TMPRSS11A: variants seen among roughly 807,000 people sequenced by gnomAD.
The protein encoded by TMPRSS11A is transmembrane serine protease 11A, also known as transmembrane protease serine 11A.
Under a neutral mutation model 58.9 loss-of-function variants are expected in TMPRSS11A, and 53 were observed. The observed-to-expected ratio is 0.90, with a 90% CI of 0.72 to 1.13. The LOEUF (loss-of-function observed/expected upper bound fraction) is 1.13. Among genes scored for constraint, TMPRSS11A ranks in the 50% most tolerant of loss-of-function variants. The pLI is 0.00. For synonymous variants in TMPRSS11A, 167 were observed against 169.8 expected (o/e 0.98, Z 0.13); for missense variants, 493 against 499.3 (o/e 0.99, Z 0.12).
intron 1 of TMPRSS11A, among the ~76,000 whole-genome samples, chr4:67,950,693 C>A (rs187290507): frequency 6.6e-6 from 1 of 152,188 alleles, no homozygotes; most frequent in East Asian, 1.9e-4. Context: ...CTACAGCCTT[C>A]AAAGAAAGCA....
chr4:67,932,622 G>C (rs1720657153), intron 3 of TMPRSS11A, among the ~76,000 whole-genome samples: 1 of 152,148 alleles, frequency 6.6e-6, no homozygotes, highest in Non-Finnish European at 1.5e-5. Flanking sequence ...TGTTGGGTAA[G>C]TTTTGGTAGT....
chr4:67,918,900 A>G, intron 8 of TMPRSS11A, 73 bp downstream of exon 8: 2 of 1,531,294 alleles, frequency 1.3e-6, no homozygotes, highest in Non-Finnish European at 1.8e-6. Flanking sequence ...CTGTCAGGAT[A>G]ATATTGATGG....
At chr4:67,961,669 T>C (rs1041770105) in intron 1 of TMPRSS11A, among the ~76,000 whole-genome samples, 1 of 151,884 alleles carries the variant, frequency 6.6e-6, no homozygotes, top group Admixed American at 6.6e-5. Context: ...TGCGCCACCA[T>C]GCCCGGCTAA....
chr4:67,920,982 C>T (rs1365294280), intron 7 of TMPRSS11A, among the ~76,000 whole-genome samples: 1 of 152,044 alleles, frequency 6.6e-6, no homozygotes, highest in African/African-American at 2.4e-5. Context: ...TTTATTTTCA[C>T]TTATGGTTTG....
chr4:67,945,364 A>G (rs1398730375), intron 2 of TMPRSS11A, among the ~76,000 whole-genome samples: 1 of 152,182 alleles, frequency 6.6e-6, no homozygotes, highest in Admixed American at 6.5e-5. Context: ...AGCCTGGCTC[A>G]GGGAAGAGGG....
chr4:67,937,363 T>A (rs961245875), intron 3 of TMPRSS11A, among the ~76,000 whole-genome samples: 1 of 152,110 alleles, frequency 6.6e-6, no homozygotes, highest in Non-Finnish European at 1.5e-5. Flanking sequence ...TACAGGGAAA[T>A]GAGAAAGAGA....
chr4:67,916,770 T>A (rs1018432268), intron 8 of TMPRSS11A, among the ~76,000 whole-genome samples: 1 of 151,920 alleles, frequency 6.6e-6, no homozygotes, highest in African/African-American at 2.4e-5. Flanking sequence ...GAGTTTGCAG[T>A]GAGCCGAGAT....
intron 3 of TMPRSS11A, among the ~76,000 whole-genome samples, chr4:67,941,921 C>A (rs59758356): frequency 3.5e-4 from 54 of 152,222 alleles, no homozygotes; most frequent in Middle Eastern, 6.8e-3. Flanking sequence ...AAGAACAACA[C>A]GGTCCATATT....
intron 7 of TMPRSS11A, among the ~76,000 whole-genome samples, chr4:67,920,549 A>ATATATATATATATTT (rs371252656): frequency 3.0e-4 from 39 of 130,894 alleles, no homozygotes; most frequent in African/African-American, 1.0e-3. Context: ...ATATATATAT[A>ATATATATATATATTT]TTTTTTTTTA....
chr4:67,961,676 C>T (rs1164403139), intron 1 of TMPRSS11A, among the ~76,000 whole-genome samples: 1 of 151,864 alleles, frequency 6.6e-6, no homozygotes, highest in Non-Finnish European at 1.5e-5. Flanking sequence ...CCATGCCCGG[C>T]TAATTGTTGT....
intron 3 of TMPRSS11A, among the ~76,000 whole-genome samples, chr4:67,939,692 AT>A (rs528089507): frequency 6.6e-6 from 1 of 152,036 alleles, no homozygotes; most frequent in Admixed American, 6.6e-5. Context: ...ATTTTCTTAA[AT>A]TTTTAATTTT....
At chr4:67,947,108 T>C (rs1721035482) in intron 1 of TMPRSS11A, among the ~76,000 whole-genome samples, 1 of 152,202 alleles carries the variant, frequency 6.6e-6, no homozygotes, top group Non-Finnish European at 1.5e-5. Flanking sequence ...ATTTATTTTT[T>C]CTGCTGCTAT....
rs551054230 is a variant in TMPRSS11A at position 67,962,577 on chromosome 4, C to T, written c.11+806G>A. 4.1e-4 allele frequency among the ~76,000 whole-genome samples: 63 copies of T among 152,276 alleles called. 2 individuals are homozygous for T. The South Asian group carries it at 0.013, about 31-fold the overall frequency. ...AACGATACTTGTGATACTTGTTCTA[C>T]TTAGCCACAAGGCTGTCTTGGCTAT... On this transcript the variant is annotated intron_variant, in intron 1 of 9. Coordinates refer to ENST00000508048, the MANE Select transcript of TMPRSS11A (RefSeq NM_001114387.2).
chr4:67,930,143 GA>G, intron 4 of TMPRSS11A, 103 bp from the exon 5 acceptor site: 1 of 1,056,824 alleles, frequency 9.5e-7, no homozygotes, highest in Non-Finnish European at 1.4e-6. Context: ...CAGTTGCTGA[GA>G]GTGTCAAGTG....
chr4:67,937,280 A>G (rs955149904), intron 3 of TMPRSS11A, among the ~76,000 whole-genome samples: 3 of 152,162 alleles, frequency 2.0e-5, no homozygotes, highest in African/African-American at 7.2e-5. Flanking sequence ...ACACATGTCA[A>G]TATATCCATC....
At chr4:67,956,775 G>C (rs1269206276) in intron 1 of TMPRSS11A, among the ~76,000 whole-genome samples, 1 of 152,128 alleles carries the variant, frequency 6.6e-6, no homozygotes, top group Non-Finnish European at 1.5e-5. Flanking sequence ...ACACATTTCT[G>C]TCATCCTCTC....
At chr4:67,916,861 A>G (rs1363471940) in intron 8 of TMPRSS11A, among the ~76,000 whole-genome samples, 1 of 151,754 alleles carries the variant, frequency 6.6e-6, no homozygotes, top group African/African-American at 2.4e-5. Context: ...AAAATAAAAT[A>G]ATGGTGAGAA....
chr4:67,952,284 T>C lies in TMPRSS11A; in HGVS notation c.12-5713A>G, dbSNP rs1293790210. 3.3e-5 allele frequency among the ~76,000 whole-genome samples: 5 copies of C among 152,354 alleles called. No homozygotes were observed. The South Asian group carries it at 6.2e-4, about 19-fold the overall frequency. On this transcript the variant is annotated intron_variant, in intron 1 of 9. Coordinates refer to ENST00000508048, the MANE Select transcript of TMPRSS11A (RefSeq NM_001114387.2). The stretch of plus-strand genomic sequence containing the variant: ...AACCTACTGTGTGGCTGCTATGACT[T>C]AGAAGCCTGTTTTCTCTGTTATGTC...
chr4:67,934,139 C>G (rs1720696127), intron 3 of TMPRSS11A, among the ~76,000 whole-genome samples: 1 of 152,128 alleles, frequency 6.6e-6, no homozygotes, highest in Non-Finnish European at 1.5e-5. Context: ...CTAGGACTCT[C>G]TCTCTAGAAA....
Sources: gnomAD v4.1 joint callset for allele counts (sites outside exome capture counted in the v4.1 genomes callset) on GRCh38, gnomAD v4.1.1 for gene constraint, MANE v1.5 for transcripts, NCBI Gene and HGNC (gene_info 2026-07-23, HGNC 2026-07-21) for gene names.